The following COL25A1 variants were observed in gnomAD, a reference collection of about 807,000 sequenced individuals.
COL25A1 encodes collagen alpha-1(XXV) chain.
Under a neutral mutation model 128.4 loss-of-function variants are expected in COL25A1, and 103 were observed. That is an observed-to-expected ratio of 0.80 (90% confidence interval 0.68 to 0.94). The LOEUF (loss-of-function observed/expected upper bound fraction) is 0.94, where lower values mean the gene tolerates loss of function less well. COL25A1 is among the 40% of genes least tolerant of loss of function. The pLI is 0.00. For synonymous variants in COL25A1, 279 were observed against 277.2 expected (o/e 1.01, Z -0.06); for missense variants, 745 against 840.0 (o/e 0.89, Z 1.40).
chr4:108,829,077 C>T (rs1732740386), intron 32 of COL25A1, among the ~76,000 whole-genome samples: 1 of 152,160 alleles, frequency 6.6e-6, no homozygotes. Flanking sequence ...AGCAATTGCA[C>T]TCAGCACAGT....
chr4:108,891,846 C>A (rs191677318), intron 16 of COL25A1, among the ~76,000 whole-genome samples: 277 of 152,026 alleles, frequency 1.8e-3, no homozygotes, highest in African/African-American at 6.1e-3. Context: ...TAATGAAAAG[C>A]ATCCAGATAA....
In COL25A1 at chr4:109,111,726, A is replaced by G. The variant is rs374287620; in HGVS notation, c.368-61547T>C. Among the ~76,000 whole-genome samples, 5 of 152,120 alleles carry G rather than the reference A, an allele frequency of 3.3e-5. No individual in the cohort carries two copies. In the East Asian group the frequency reaches 9.6e-4, roughly 29 times the overall value. ...GTCATTAATTTTTAGGCTTTGGATA[A>G]ATTTCCATCACACAGCTTTCATTCT... On this transcript the variant is annotated intron_variant, in intron 3 of 37. Transcript: ENST00000399132.
At chr4:109,142,582 G>A (rs1770520056) in intron 3 of COL25A1, among the ~76,000 whole-genome samples, 1 of 151,968 alleles carries the variant, frequency 6.6e-6, no homozygotes, top group Admixed American at 6.5e-5. Flanking sequence ...CTTACTTTAT[G>A]ACTCTCGGTG....
At chr4:109,187,278 C>A (rs530416505) in intron 3 of COL25A1, among the ~76,000 whole-genome samples, 1 of 150,576 alleles carries the variant, frequency 6.6e-6, no homozygotes, top group Non-Finnish European at 1.5e-5. Context: ...GGTTTCTTTA[C>A]GTGTATTTAA....
chr4:108,889,337 G>C (rs146167476), intron 17 of COL25A1, 81 bp from the exon 18 acceptor site: 38 of 1,348,382 alleles, frequency 2.8e-5, no homozygotes, highest in Middle Eastern at 1.8e-4. Context: ...CACCATCACA[G>C]GGATGGCCTA....
rs557888856 is a variant in COL25A1, at chr4:109,115,743, GA to G, written c.368-65565del. 1.2e-3 allele frequency among the ~76,000 whole-genome samples: 188 copies of G among 152,124 alleles called. 1 individual carries two copies. The highest frequency in any genetic ancestry group is 0.011 in the East Asian group (58 of 5,160). ...GCCAGTGTACAGACAGATGCATCAA[GA>G]AAGCAATAGTTCCCAAATACTAGTT... is the stretch of plus-strand genomic sequence containing the variant. On this transcript the variant is annotated intron_variant, in intron 3 of 37. Transcript: ENST00000399132.
At chr4:109,085,222 A>T (rs1419973439) in intron 3 of COL25A1, among the ~76,000 whole-genome samples, 1 of 152,184 alleles carries the variant, frequency 6.6e-6, no homozygotes, top group Non-Finnish European at 1.5e-5. Context: ...GAGTCCGCTG[A>T]GCCCCATACA....
chr4:109,122,401 C>T (rs1487458731), intron 3 of COL25A1, among the ~76,000 whole-genome samples: 1 of 151,960 alleles, frequency 6.6e-6, no homozygotes, highest in African/African-American at 2.4e-5. Flanking sequence ...GCGCTTTCCA[C>T]TCAGTTTTGC....
At chr4:108,902,050 T>C (rs148164225) in intron 13 of COL25A1, among the ~76,000 whole-genome samples, 1 of 152,188 alleles carries the variant, frequency 6.6e-6, no homozygotes, top group African/African-American at 2.4e-5. Flanking sequence ...CTTCTTTCCA[T>C]TGAGGCTAGT....
At chr4:109,113,576 C>T (rs911994857) in intron 3 of COL25A1, among the ~76,000 whole-genome samples, 2 of 151,966 alleles carry the variant, frequency 1.3e-5, no homozygotes, top group Non-Finnish European at 2.9e-5. Flanking sequence ...TTAATGGATA[C>T]ATTTAACATC....
At chr4:108,971,566 G>A (rs1751919501) in intron 8 of COL25A1, among the ~76,000 whole-genome samples, 1 of 152,300 alleles carries the variant, frequency 6.6e-6, no homozygotes, top group East Asian at 1.9e-4. Flanking sequence ...GGGTGAAAGT[G>A]CAGTGTGTCT....
chr4:109,086,825 C>T (rs1764434084), intron 3 of COL25A1, among the ~76,000 whole-genome samples: 1 of 152,182 alleles, frequency 6.6e-6, no homozygotes, highest in East Asian at 1.9e-4. Context: ...CAGCGGGCTC[C>T]CCTTACACAC....
At chr4:109,108,570 GGT>G (rs1766680880) in intron 3 of COL25A1, among the ~76,000 whole-genome samples, 1 of 151,966 alleles carries the variant, frequency 6.6e-6, no homozygotes. Context: ...TGGGTCAAAT[GGT>G]ATTTCTAGTT....
At position 108,886,492 on chromosome 4, in the gene COL25A1, G is replaced by GTGTGTGTTTTTTTT. The variant is rs58157157; in HGVS notation, c.976-2271_976-2270insAAAAAAAACACACA. 2.9e-4 allele frequency among the ~76,000 whole-genome samples: 32 copies of GTGTGTGTTTTTTTT among 109,270 alleles called. 2 individuals are homozygous for GTGTGTGTTTTTTTT. Among genetic ancestry groups the GTGTGTGTTTTTTTT allele is most frequent in the Admixed American group, 1.8e-3 (20 of 11,128 alleles). 71.7% of individuals were successfully genotyped at this position (109,270 alleles called of 152,430 possible). A position where few individuals can be genotyped will look rare whatever the true frequency, so the allele number is the denominator to read the frequency against. On this transcript the variant is annotated intron_variant, in intron 18 of 37. Transcript: ENST00000399132. ...TGTGTGTGTGTGTGTGTGTGTGTGT[G>GTGTGTGTTTTTTTT]TTTAGCTCATCAGCTATTTTATGTG... is the stretch of plus-strand genomic sequence containing the variant.
chr4:108,956,637 C>T (rs2125958904), intron 8 of COL25A1, among the ~76,000 whole-genome samples: 1 of 152,266 alleles, frequency 6.6e-6, no homozygotes, highest in South Asian at 2.1e-4. Context: ...AACTCCTGAC[C>T]TCAGGTGATC....
At chr4:108,879,325 T>C (rs1739826989) in intron 19 of COL25A1, among the ~76,000 whole-genome samples, 1 of 152,158 alleles carries the variant, frequency 6.6e-6, no homozygotes, top group African/African-American at 2.4e-5. Context: ...TGTGAAAATG[T>C]ATTTGCCACT....
chr4:109,249,436 G>T (rs1780502177), intron 3 of COL25A1, among the ~76,000 whole-genome samples: 1 of 152,052 alleles, frequency 6.6e-6, no homozygotes, highest in Non-Finnish European at 1.5e-5. Context: ...TAGATGCTTG[G>T]GGTGGGTGGG....
intron 8 of COL25A1, 37 bp downstream of exon 8, chr4:108,974,330 C>T (rs1163722038): frequency 1.9e-6 from 3 of 1,610,016 alleles, no homozygotes; most frequent in Non-Finnish European, 2.5e-6. Flanking sequence ...GAGTTAGAAA[C>T]TAATTTTCCG....
At chr4:109,012,514 G>A (rs974899477) in intron 5 of COL25A1, among the ~76,000 whole-genome samples, 5 of 152,166 alleles carry the variant, frequency 3.3e-5, no homozygotes, top group East Asian at 1.9e-4. Flanking sequence ...TGCAGCGCTC[G>A]TGGGCCAGCG....
Sources: gnomAD v4.1 joint callset for allele counts (sites outside exome capture counted in the v4.1 genomes callset) on GRCh38, gnomAD v4.1.1 for gene constraint, MANE v1.5 for transcripts, NCBI Gene and HGNC (gene_info 2026-07-23, HGNC 2026-07-21) for gene names.